The following ESR1 variants were observed in gnomAD, a reference collection of about 807,000 sequenced individuals.
ESR1 encodes estrogen receptor 1.
A neutral mutation model predicts 52.7 loss-of-function variants in ESR1; 12 were observed. The observed-to-expected ratio is 0.23, with a 90% CI of 0.15 to 0.37. The LOEUF (loss-of-function observed/expected upper bound fraction) is 0.37. Among genes scored for constraint, ESR1 ranks in the 10% least tolerant of loss-of-function variants. The pLI, the probability that ESR1 is intolerant of heterozygous loss-of-function variation, is 1.00. For synonymous variants in ESR1, 305 were observed against 316.8 expected (o/e 0.96, Z 0.39); for missense variants, 584 against 779.7 (o/e 0.75, Z 2.99).
At position 152,077,249 on chromosome 6, in the gene ESR1, C is replaced by T. The variant is rs575309905; in HGVS notation, c.1369+16125C>T. Among the ~76,000 whole-genome samples the T allele has an allele frequency of 7.9e-5, 12 of 152,332 alleles. No homozygotes were observed. In the East Asian group the frequency reaches 2.1e-3, roughly 27 times the overall value. On this transcript the variant is annotated intron_variant, in intron 6 of 7. Coordinates refer to ENST00000206249, the MANE Select transcript of ESR1 (RefSeq NM_000125.4). ...GGTTGCAAGCCCCAAACCTTGGCAG[C>T]TTTCATGTGGTGTTGAGCCTGTGTG...
At chr6:151,677,887 A>G (rs1247729700) in intron 1 of ESR1, among the ~76,000 whole-genome samples, 3 of 152,234 alleles carry the variant, frequency 2.0e-5, no homozygotes, top group African/African-American at 7.2e-5. Flanking sequence ...ACTGCTTCTC[A>G]GGGGTTATAC....
At chr6:151,768,708 A>G (rs1785261820) in intron 2 of ESR1, among the ~76,000 whole-genome samples, 1 of 152,248 alleles carries the variant, frequency 6.6e-6, no homozygotes, top group Admixed American at 6.5e-5. Flanking sequence ...ACAGGATAAT[A>G]AAGCAAGTGT....
Position 152,028,867 on chromosome 6 carries a change from C to T in ESR1, c.1235+17073C>T, listed in dbSNP as rs898761319. 4.6e-5 allele frequency among the ~76,000 whole-genome samples: 7 copies of T among 152,300 alleles called. No individual in the cohort carries two copies. In the East Asian group the frequency reaches 5.8e-4, roughly 13 times the overall value. ...CCTCCTCAAGTGGGTCCCTGACCCC[C>T]GAGTAGCCTAACTGGGCACACCCCA... On this transcript the variant is annotated intron_variant, in intron 5 of 7. Transcript: ENST00000206249.
At chr6:151,957,541 C>T (rs2037146351) in intron 4 of ESR1, among the ~76,000 whole-genome samples, 2 of 122,044 alleles carry the variant, frequency 1.6e-5, no homozygotes, top group Admixed American at 1.7e-4. Context: ...TTTGTTTTTA[C>T]ATGTTGTTAC....
intron 1 of ESR1, among the ~76,000 whole-genome samples, chr6:151,834,852 G>C (rs1455111454): frequency 6.6e-6 from 1 of 152,098 alleles, no homozygotes; most frequent in African/African-American, 2.4e-5. Context: ...CCTGGAACTT[G>C]GGGAGCAAGG....
intron 1 of ESR1, among the ~76,000 whole-genome samples, chr6:151,810,184 A>G (rs1222241819): frequency 3.3e-5 from 5 of 152,180 alleles, no homozygotes; most frequent in Non-Finnish European, 5.9e-5. Context: ...TCCCAGTGAT[A>G]AGTGGTATCA....
At chr6:151,885,546 A>G (rs1208731216) in intron 3 of ESR1, among the ~76,000 whole-genome samples, 1 of 152,220 alleles carries the variant, frequency 6.6e-6, no homozygotes, top group Non-Finnish European at 1.5e-5. Context: ...GAGCTTCACT[A>G]ATTTCAAATA....
chr6:151,931,056 C>T (rs1454416779), intron 3 of ESR1, among the ~76,000 whole-genome samples: 1 of 152,060 alleles, frequency 6.6e-6, no homozygotes, highest in African/African-American at 2.4e-5. Context: ...CTTCTTGATA[C>T]TCCCTGAGCT....
chr6:152,079,602 C>T (rs1009528930), intron 6 of ESR1, among the ~76,000 whole-genome samples: 2 of 152,136 alleles, frequency 1.3e-5, no homozygotes, highest in African/African-American at 4.8e-5. Context: ...GATTGCAGCT[C>T]CTCACCAGCA....
chr6:151,895,596 AT>A (rs547516249), intron 3 of ESR1, among the ~76,000 whole-genome samples: 34 of 152,254 alleles, frequency 2.2e-4, no homozygotes, highest in African/African-American at 8.2e-4. Context: ...TCATAAAGGG[AT>A]GCTGGATTTT....
intron 1 of ESR1, among the ~76,000 whole-genome samples, chr6:151,661,313 T>C (rs1277503805): frequency 4.6e-5 from 7 of 152,204 alleles, no homozygotes; most frequent in Non-Finnish European, 7.3e-5. Context: ...CAATTGCCTA[T>C]AAGGCCATGC....
intron 1 of ESR1, among the ~76,000 whole-genome samples, chr6:151,674,005 G>T (rs1205372405): frequency 6.6e-6 from 1 of 152,034 alleles, no homozygotes; most frequent in African/African-American, 2.4e-5. Flanking sequence ...AAAAGAAATT[G>T]CATCATTTTC....
chr6:151,807,972 G>A lies in ESR1; in HGVS notation c.60G>A (p.Gly20=). ...SGMALLHQIQ[G]NELEPLNRPQ... is the part of the protein sequence containing the mutation. ...TGGCCCTACTGCATCAGATCCAAGG[G>A]AACGAGCTGGAGCCCCTGAACCGTC... Residue 20 remains glycine, a synonymous_variant, in exon 1 of 8, where the codon GGG becomes GGA. Transcript: ENST00000206249. 4.3e-6 allele frequency: 7 copies of A among 1,613,976 alleles called. No individual in the cohort carries two copies. The highest frequency in any genetic ancestry group is 5.9e-6 in the Non-Finnish European group (7 of 1,179,988).
chr6:151,794,880 A>G (rs578130927), intron 2 of ESR1, among the ~76,000 whole-genome samples: 2 of 152,280 alleles, frequency 1.3e-5, no homozygotes, highest in South Asian at 4.2e-4. Context: ...TTTTGGAATG[A>G]TAGTAAGCAC....
At chr6:152,031,369 C>T (rs979333902) in intron 5 of ESR1, among the ~76,000 whole-genome samples, 2 of 151,504 alleles carry the variant, frequency 1.3e-5, no homozygotes, top group African/African-American at 4.9e-5. Flanking sequence ...TTGAAAAGAT[C>T]AATAAAACTG....
chr6:151,710,508 A>G (rs1780517561), intron 2 of ESR1, among the ~76,000 whole-genome samples: 1 of 152,160 alleles, frequency 6.6e-6, no homozygotes, highest in Non-Finnish European at 1.5e-5. Flanking sequence ...ATAGTTGACC[A>G]CTTTTTGACC....
intron 2 of ESR1, among the ~76,000 whole-genome samples, chr6:151,785,091 A>G: frequency 6.6e-6 from 1 of 152,270 alleles, no homozygotes; most frequent in Middle Eastern, 3.2e-3. Context: ...TATCTTCAGA[A>G]TACCTTCACT....
intron 1 of ESR1, among the ~76,000 whole-genome samples, chr6:151,823,352 T>C (rs1433539721): frequency 6.6e-6 from 1 of 151,472 alleles, no homozygotes; most frequent in Non-Finnish European, 1.5e-5. Context: ...ATGACATAGG[T>C]TTAGATTAAA....
chr6:151,907,009 C>T (rs910283026), intron 3 of ESR1, among the ~76,000 whole-genome samples: 19 of 151,832 alleles, frequency 1.3e-4, no homozygotes, highest in African/African-American at 4.6e-4. Context: ...GCAATACATT[C>T]TTTCCCTGTT....
Sources: allele counts gnomAD v4.1 joint callset (sites outside exome capture counted in the v4.1 genomes callset), GRCh38; gene constraint gnomAD v4.1.1; transcripts MANE v1.5; gene names NCBI Gene and HGNC (gene_info 2026-07-23, HGNC 2026-07-21).